OR6N1: variants seen among roughly 807,000 people sequenced by gnomAD.
OR6N1 encodes the protein olfactory receptor family 6 subfamily N member 1.
For synonymous variants in OR6N1, 170 were observed against 150.7 expected, an observed-to-expected ratio of 1.13 and a Z score of -0.94; for missense variants, 394 against 371.7, an observed-to-expected ratio of 1.06 and a Z score of -0.49.
At chr1:158,810,527 T>G in the OR6N1 span, among the ~76,000 whole-genome samples, 11 of 152,198 alleles carry the variant, frequency 7.2e-5, no homozygotes, top group Non-Finnish European at 4.4e-5. Context: ...AGAGCAGCTC[T>G]ATGTCTCAAA....
upstream of OR6N1, chr1:158,776,816 G>C (rs143063009): frequency 8.7e-5 from 140 of 1,614,082 alleles, no homozygotes; most frequent in African/African-American, 1.6e-3. Flanking sequence ...ACTATAGCAA[G>C]TGTTCGGTCA....
chr1:158,769,663 C>G (rs1426575416), intron 1 of OR6N1, among the ~76,000 whole-genome samples: 1 of 152,154 alleles, frequency 6.6e-6, no homozygotes, highest in Non-Finnish European at 1.5e-5. Flanking sequence ...TCCAAACTAA[C>G]TTTGTTTACT....
chr1:158,768,517 C>T (rs1367532976), intron 1 of OR6N1, among the ~76,000 whole-genome samples: 4 of 152,214 alleles, frequency 2.6e-5, no homozygotes, highest in Non-Finnish European at 5.9e-5. Context: ...TCTCTCCCCT[C>T]TTACTGTAAT....
chr1:158,767,285 T>G (rs1657299754), intron 1 of OR6N1, among the ~76,000 whole-genome samples: 1 of 152,174 alleles, frequency 6.6e-6, no homozygotes, highest in Non-Finnish European at 1.5e-5. Flanking sequence ...AGACCTCTTT[T>G]GGACACTGGT....
the OR6N1 span, among the ~76,000 whole-genome samples, chr1:158,780,989 C>T: frequency 1.3e-5 from 2 of 152,164 alleles, no homozygotes; most frequent in Non-Finnish European, 2.9e-5. Flanking sequence ...AAAGTTTCTT[C>T]CAAATCTGAT....
the OR6N1 span, among the ~76,000 whole-genome samples, chr1:158,797,228 G>T: frequency 1.3e-5 from 2 of 152,172 alleles, no homozygotes; most frequent in Admixed American, 1.3e-4. Context: ...GCACCTTTCT[G>T]TGTGTTGAGG....
the OR6N1 span, among the ~76,000 whole-genome samples, chr1:158,790,464 G>A: frequency 5.2e-3 from 789 of 150,298 alleles, 5 homozygotes; most frequent in African/African-American, 0.019. Flanking sequence ...GAGTGCAGTG[G>A]CGCAATCTCG....
chr1:158,780,008 TTTA>T, the OR6N1 span, among the ~76,000 whole-genome samples: 1 of 152,204 alleles, frequency 6.6e-6, no homozygotes, highest in Non-Finnish European at 1.5e-5. Context: ...CAATTAATGT[TTTA>T]TTTTAGCCTA....
rs773239571 is a variant in OR6N1, at chr1:158,765,948, GA to G, written c.734del (p.Phe245SerfsTer18). The part of the protein sequence containing the change: ...RKAISTCASH[F>X]TVVLIFYGSI... Reference sequence around the variant, plus strand: ...TCCCATAGAAGATGAGAACCACAGTGAAGTGGGAGGCACACGTGGAGATGGC... The same window carrying G: ...TCCCATAGAAGATGAGAACCACAGTGAGTGGGAGGCACACGTGGAGATGGC... On this transcript the variant is annotated frameshift_variant, in exon 2 of 2. Coordinates refer to ENST00000641846, the MANE Select transcript of OR6N1 (RefSeq NM_001005185.2). LOFTEE classifies it low-confidence loss of function (END_TRUNC). 25 of 1,614,058 alleles carry G rather than the reference GA, an allele frequency of 1.5e-5. No individual in the cohort carries two copies. In the Admixed American group the frequency reaches 4.2e-4, roughly 27 times the overall value.
At chr1:158,771,619 G>T (rs1488386727) in intron 1 of OR6N1, among the ~76,000 whole-genome samples, 1 of 152,176 alleles carries the variant, frequency 6.6e-6, no homozygotes, top group Admixed American at 6.5e-5. Flanking sequence ...TACCACAGCT[G>T]CATTATTCAT....
the OR6N1 span, among the ~76,000 whole-genome samples, chr1:158,824,486 G>T: frequency 6.6e-6 from 1 of 152,108 alleles, no homozygotes; most frequent in East Asian, 1.9e-4. Flanking sequence ...ATGTTCAGTT[G>T]TGCGTTTGAT....
the OR6N1 span, among the ~76,000 whole-genome samples, chr1:158,823,591 G>A: frequency 0.015 from 2,282 of 151,230 alleles, 53 homozygotes; most frequent in African/African-American, 0.045. Flanking sequence ...TATTTGGATC[G>A]TCTCTCTCTT....
the OR6N1 span, chr1:158,796,088 G>C: frequency 1.3e-5 from 2 of 152,244 alleles, no homozygotes; most frequent in Non-Finnish European, 2.9e-5. Flanking sequence ...ACCTACAGTG[G>C]GAAAACAGTT....
chr1:158,806,212 G>C, the OR6N1 span, among the ~76,000 whole-genome samples: 11,958 of 152,134 alleles, frequency 0.079, 1,364 homozygotes, highest in African/African-American at 0.25. Context: ...CAGCAGAATA[G>C]AGTTTTGCAC....
the OR6N1 span, among the ~76,000 whole-genome samples, chr1:158,797,927 G>T: frequency 6.6e-6 from 1 of 151,850 alleles, no homozygotes; most frequent in Non-Finnish European, 1.5e-5. Flanking sequence ...TCTTTCTAGT[G>T]ATTTTTTAAC....
the OR6N1 span, among the ~76,000 whole-genome samples, chr1:158,792,948 A>G: frequency 1.3e-5 from 2 of 152,108 alleles, no homozygotes; most frequent in African/African-American, 2.4e-5. Context: ...ATGATCCCAT[A>G]TTTCTTGGAG....
the OR6N1 span, among the ~76,000 whole-genome samples, chr1:158,828,296 C>T: frequency 6.6e-6 from 1 of 152,176 alleles, no homozygotes; most frequent in Non-Finnish European, 1.5e-5. Context: ...CAAGACAAGG[C>T]AAGTCCCTTC....
the OR6N1 span, among the ~76,000 whole-genome samples, chr1:158,806,211 AG>A: frequency 6.6e-6 from 1 of 152,202 alleles, no homozygotes; most frequent in Non-Finnish European, 1.5e-5. Flanking sequence ...TCAGCAGAAT[AG>A]AGTTTTGCAC....
At chr1:158,767,374 C>A (rs1225632347) in intron 1 of OR6N1, among the ~76,000 whole-genome samples, 1 of 152,172 alleles carries the variant, frequency 6.6e-6, no homozygotes, top group Non-Finnish European at 1.5e-5. Context: ...TATCTTTCTG[C>A]ATTTCAACTT....
Sources: gnomAD v4.1 joint callset for allele counts (sites outside exome capture counted in the v4.1 genomes callset) on GRCh38, gnomAD v4.1.1 for gene constraint, MANE v1.5 for transcripts, NCBI Gene and HGNC (gene_info 2026-07-23, HGNC 2026-07-21) for gene names.